The following CEP126 variants were observed in gnomAD, a reference collection of about 807,000 sequenced individuals.
The protein encoded by CEP126 is centrosomal protein 126, also known as centrosomal protein of 126 kDa.
Under a neutral mutation model 107.8 loss-of-function variants are expected in CEP126, and 74 were observed. That is an observed-to-expected ratio of 0.69 (90% confidence interval 0.57 to 0.83). The LOEUF (loss-of-function observed/expected upper bound fraction) is 0.83, where lower values mean the gene tolerates loss of function less well. Among genes scored for constraint, CEP126 ranks in the 40% least tolerant of loss-of-function variants. CEP126 has a pLI of 0.00. For synonymous variants in CEP126, 449 were observed against 446.0 expected, an observed-to-expected ratio of 1.01 and a Z score of -0.08; for missense variants, 1,237 against 1,281.9, an observed-to-expected ratio of 0.96 and a Z score of 0.53.
chr11:101,952,494 G>C (rs1407607627), intron 4 of CEP126, among the ~76,000 whole-genome samples: 1 of 152,164 alleles, frequency 6.6e-6, no homozygotes, highest in Non-Finnish European at 1.5e-5. Flanking sequence ...TTTGGTAACT[G>C]TTTAAGACCT....
intron 3 of CEP126, among the ~76,000 whole-genome samples, chr11:101,946,269 G>A (rs991600356): frequency 6.6e-6 from 1 of 152,082 alleles, no homozygotes; most frequent in Admixed American, 6.5e-5. Context: ...ACTTTGGGAG[G>A]CCAAGGCAGG....
Position 101,997,738 on chromosome 11 carries a change from G to C in CEP126, c.*95G>C, listed in dbSNP as rs913935777. 6.4e-7 allele frequency: 1 copy of C among 1,551,554 alleles called. No individual in the cohort carries two copies. The highest frequency in any genetic ancestry group is 8.8e-7 in the Non-Finnish European group (1 of 1,133,770). Reference sequence around the variant, plus strand: ...AAACCAGCCATAGGAAAACATGTGAGCAACAACCCCCATGAACATTTGTCC... The same window carrying C: ...AAACCAGCCATAGGAAAACATGTGACCAACAACCCCCATGAACATTTGTCC... On this transcript the variant is annotated 3_prime_UTR_variant, in exon 11 of 11. Transcript: ENST00000263468.
chr11:101,929,748 G>A lies in CEP126; in HGVS notation c.248+6988G>A, dbSNP rs139831262. ...AGATGAAAGCCAGGCGTTCTACTCA[G>A]CTTCTCTGACACCATCCCTACAGGA... On this transcript the variant is annotated intron_variant, in intron 2 of 10. Coordinates refer to ENST00000263468, the MANE Select transcript of CEP126 (RefSeq NM_020802.4). Among the ~76,000 whole-genome samples the A allele has an allele frequency of 7.0e-4, 107 of 152,296 alleles. 1 individual carries two copies. In the East Asian group the frequency reaches 0.018, roughly 25 times the overall value.
intron 1 of CEP126, among the ~76,000 whole-genome samples, chr11:101,917,401 C>A (rs75537678): frequency 0.033 from 5,012 of 152,066 alleles, 119 homozygotes; most frequent in African/African-American, 0.063. Context: ...GTAACATTTA[C>A]ATTTCAATTT....
At chr11:101,925,800 G>A (rs554603372) in intron 2 of CEP126, among the ~76,000 whole-genome samples, 10 of 142,804 alleles carry the variant, frequency 7.0e-5, no homozygotes, top group African/African-American at 1.3e-4. Context: ...GATTACAGGC[G>A]CCCGTCACCA....
In CEP126 at chr11:101,970,024, C is replaced by T. The variant is rs948663873; in HGVS notation, c.2845+6144C>T. Among the ~76,000 whole-genome samples the T allele has an allele frequency of 3.3e-5, 5 of 152,074 alleles. No homozygotes were observed. In the South Asian group the frequency reaches 1.0e-3, roughly 31 times the overall value. On this transcript the variant is annotated intron_variant, in intron 6 of 10. Transcript: ENST00000263468. Reference sequence around the variant, plus strand: ...TTAGGATGGACAGCAATTTCTTACACAATACTTTAAAAGAACAAACCACTA... The same window carrying T: ...TTAGGATGGACAGCAATTTCTTACATAATACTTTAAAAGAACAAACCACTA...
At chr11:101,954,572 G>A (rs1462184888) in intron 4 of CEP126, among the ~76,000 whole-genome samples, 1 of 151,796 alleles carries the variant, frequency 6.6e-6, no homozygotes, top group Non-Finnish European at 1.5e-5. Context: ...TAGTTTTCAT[G>A]TTATTTTAAC....
chr11:101,935,684 T>C (rs1396080932), intron 2 of CEP126, among the ~76,000 whole-genome samples: 1 of 152,168 alleles, frequency 6.6e-6, no homozygotes, highest in Non-Finnish European at 1.5e-5. Context: ...TTTACTCTTA[T>C]ACTAATACTA....
intron 4 of CEP126, among the ~76,000 whole-genome samples, chr11:101,952,566 T>C (rs1271498851): frequency 6.6e-6 from 1 of 152,144 alleles, no homozygotes; most frequent in East Asian, 1.9e-4. Context: ...GAAAAAGTGG[T>C]AAAACCATTT....
chr11:101,961,962 A>T lies in CEP126; in HGVS notation c.927A>T (p.Ile309=). 1 of 1,610,056 alleles carries T rather than the reference A, an allele frequency of 6.2e-7. No homozygotes were observed. The highest frequency in any genetic ancestry group is 8.5e-7 in the Non-Finnish European group (1 of 1,178,138). Residue 309 remains isoleucine (I), a synonymous_variant, in exon 6 of 11, where the codon ATA becomes ATT. Transcript: ENST00000263468. ...DKLAFSKTQH[I]NNWLTNLDAS... ...TGGCATTCTCTAAAACTCAACATAT[A>T]AATAATTGGCTTACAAATTTAGATG...
chr11:101,978,350 C>G lies in CEP126; in HGVS notation c.2849C>G (p.Ser950Cys). The G allele has an allele frequency of 6.2e-7, 1 of 1,606,628 alleles. No homozygotes were observed. The highest frequency in any genetic ancestry group is 8.5e-7 in the Non-Finnish European group (1 of 1,173,772). ...ATTGTGCTGGCATTTGTTTAAGGGT[C>G]TACTGTTATGAGAAGAAAACGAATT... is the stretch of plus-strand genomic sequence containing the variant. ...VLHQNKRATG[S>C]TVMRRKRIAE... Residue 950 changes from serine (S) to cysteine (C), a missense_variant, in exon 7 of 11, where the codon TCT becomes TGT. Coordinates refer to ENST00000263468, the MANE Select transcript of CEP126 (RefSeq NM_020802.4).
intron 7 of CEP126, among the ~76,000 whole-genome samples, chr11:101,981,628 C>T (rs1038748404): frequency 6.6e-6 from 1 of 152,066 alleles, no homozygotes; most frequent in Non-Finnish European, 1.5e-5. Flanking sequence ...ACTCACTTTA[C>T]CTCTTCCAAA....
At chr11:101,990,084 A>C (rs1941360128) in intron 9 of CEP126, among the ~76,000 whole-genome samples, 1 of 149,058 alleles carries the variant, frequency 6.7e-6, no homozygotes, top group African/African-American at 2.6e-5. Flanking sequence ...AAATTGTTTA[A>C]ATTTTCAACA....
rs1232932568 is a variant in CEP126, at chr11:101,938,169, AAAAAAAAT to A, written c.249-6094_249-6087del. Among the ~76,000 whole-genome samples, 4 of 143,854 alleles carry A rather than the reference AAAAAAAAT, an allele frequency of 2.8e-5. 1 individual carries two copies. The highest frequency in any genetic ancestry group is 4.6e-5 in the Non-Finnish European group (3 of 65,608). The allele number at this position is 143,854 out of a possible 152,430, so 94.4% of individuals were successfully genotyped here. On this transcript the variant is annotated intron_variant, in intron 2 of 10. Transcript: ENST00000263468. ...AGCGAGACTCTGTCTCAAAAAAAAA[AAAAAAAAT>A]ACAAGAAATTGGTCCATTTTACCTA...
At chr11:101,943,086 C>CTT (rs35469897) in intron 2 of CEP126, among the ~76,000 whole-genome samples, 57 of 148,132 alleles carry the variant, frequency 3.8e-4, no homozygotes, top group Admixed American at 3.8e-3. Flanking sequence ...GTCCGGATGC[C>CTT]TTTTTTTTTT....
At chr11:101,972,078 A>C (rs1486033664) in intron 6 of CEP126, among the ~76,000 whole-genome samples, 2 of 152,060 alleles carry the variant, frequency 1.3e-5, no homozygotes, top group East Asian at 3.9e-4. Flanking sequence ...ACTGCACTCC[A>C]GCCTGGGCAA....
chr11:101,957,677 T>C (rs553201304), intron 4 of CEP126, among the ~76,000 whole-genome samples: 1 of 152,268 alleles, frequency 6.6e-6, no homozygotes, highest in South Asian at 2.1e-4. Flanking sequence ...AGGGAGGAAA[T>C]TCCTGCTGAC....
At chr11:101,943,085 C>A (rs1382842967) in intron 2 of CEP126, among the ~76,000 whole-genome samples, 1 of 149,412 alleles carries the variant, frequency 6.7e-6, no homozygotes, top group Non-Finnish European at 1.5e-5. Flanking sequence ...AGTCCGGATG[C>A]CTTTTTTTTT....
intron 6 of CEP126, among the ~76,000 whole-genome samples, chr11:101,973,090 C>A (rs547170836): frequency 6.6e-6 from 1 of 152,280 alleles, no homozygotes; most frequent in East Asian, 1.9e-4. Flanking sequence ...TAGTTTCCTC[C>A]TTTTATGAAT....
Sources: allele counts gnomAD v4.1 joint callset (sites outside exome capture counted in the v4.1 genomes callset), GRCh38; gene constraint gnomAD v4.1.1; transcripts MANE v1.5; gene names NCBI Gene and HGNC (gene_info 2026-07-23, HGNC 2026-07-21).